The following PEX7 variants were observed in gnomAD, a reference collection of about 807,000 sequenced individuals.
PEX7 encodes the protein PTS2 receptor.
In PEX7, 34 loss-of-function variants were observed where a neutral mutation model predicts 47.5. That is an observed-to-expected ratio of 0.72 (90% CI 0.54 to 0.95). PEX7 has a LOEUF of 0.95. Among genes scored for constraint, PEX7 ranks in the 40% least tolerant of loss-of-function variants. The pLI is 0.00. For synonymous variants in PEX7, 141 were observed against 148.8 expected, an observed-to-expected ratio of 0.95 and a Z score of 0.38; for missense variants, 394 against 400.3, an observed-to-expected ratio of 0.98 and a Z score of 0.13.
chr6:136,837,028 A>G (rs1248221071), intron 3 of PEX7, among the ~76,000 whole-genome samples: 2 of 152,064 alleles, frequency 1.3e-5, no homozygotes, highest in Non-Finnish European at 2.9e-5. Context: ...TTTGAAACTC[A>G]TATGTACCTT....
At position 136,872,181 on chromosome 6, in the gene PEX7, T is replaced by A; in HGVS notation, c.748-17T>A. On this transcript the variant is annotated splice_polypyrimidine_tract_variant and intron_variant, in intron 7 of 9. Transcript: ENST00000318471. ...CTGACTTCAAAAAGGGTTTTTTTTTTCTTTTTTTTTTTGTAGTTTTCACCA... is the reference window on the plus strand; with the variant it reads ...CTGACTTCAAAAAGGGTTTTTTTTTACTTTTTTTTTTTGTAGTTTTCACCA... The A allele has an allele frequency of 6.3e-7, 1 of 1,594,444 alleles. No homozygotes were observed. The highest frequency in any genetic ancestry group is 8.5e-7 in the Non-Finnish European group (1 of 1,169,924).
chr6:136,885,256 C>A (rs1293137481), intron 8 of PEX7, among the ~76,000 whole-genome samples: 1 of 152,106 alleles, frequency 6.6e-6, no homozygotes, highest in African/African-American at 2.4e-5. Context: ...GCTAAAATGA[C>A]CAGTTTAGCC....
In PEX7 at chr6:136,860,078, G is replaced by C. The variant is rs371978969; in HGVS notation, c.527-6549G>C. Among the ~76,000 whole-genome samples the C allele has an allele frequency of 2.0e-4, 30 of 151,986 alleles. 1 individual carries two copies. The highest frequency in any genetic ancestry group is 9.2e-4 in the Admixed American group (14 of 15,274). On this transcript the variant is annotated intron_variant, in intron 5 of 9. Transcript: ENST00000318471. ...AGTGGCAGGTCTGCAATTGATAAGAGAAGCTGGCAATTCAGGTGAGTCTAT... is the reference window on the plus strand; with the variant it reads ...AGTGGCAGGTCTGCAATTGATAAGACAAGCTGGCAATTCAGGTGAGTCTAT...
chr6:136,888,498 A>G (rs1260663266), intron 8 of PEX7, among the ~76,000 whole-genome samples: 2 of 152,184 alleles, frequency 1.3e-5, no homozygotes, highest in Non-Finnish European at 1.5e-5. Context: ...CACCTCACCA[A>G]TAACTTTAGA....
intron 8 of PEX7, among the ~76,000 whole-genome samples, chr6:136,887,059 CA>C (rs796560215): frequency 2.0e-5 from 3 of 151,420 alleles, no homozygotes; most frequent in Non-Finnish European, 2.9e-5. Flanking sequence ...AAAAAACAAA[CA>C]AAAAAAACCT....
At chr6:136,851,947 A>C (rs1774764843) in intron 5 of PEX7, among the ~76,000 whole-genome samples, 1 of 79,602 alleles carries the variant, frequency 1.3e-5, no homozygotes, top group Admixed American at 1.4e-4. Context: ...CCCATGTTGT[A>C]GGTTGCCTGT....
chr6:136,830,187 A>G (rs1178759107), intron 3 of PEX7: 3 of 610,898 alleles, frequency 4.9e-6, no homozygotes, highest in Non-Finnish European at 8.7e-6. Flanking sequence ...CCTAAACTTG[A>G]GTGTTTTTAT....
intron 8 of PEX7, among the ~76,000 whole-genome samples, chr6:136,879,610 G>C (rs1019606402): frequency 6.6e-6 from 1 of 151,826 alleles, no homozygotes; most frequent in Non-Finnish European, 1.5e-5. Context: ...AGTTTTTCTT[G>C]CTGCAGGCTC....
chr6:136,823,717 C>T (rs571792598), intron 1 of PEX7, among the ~76,000 whole-genome samples: 172 of 152,264 alleles, frequency 1.1e-3, no homozygotes, highest in Non-Finnish European at 1.6e-3. Context: ...ATGGAGAAAC[C>T]CCATCTCTAC....
At chr6:136,827,633 AG>A (rs1774219825) in intron 3 of PEX7, among the ~76,000 whole-genome samples, 1 of 151,496 alleles carries the variant, frequency 6.6e-6, no homozygotes, top group Non-Finnish European at 1.5e-5. Context: ...AATGGGCTCA[AG>A]CCATTCTCAT....
chr6:136,823,290 GAC>G (rs1774119181), intron 1 of PEX7: 1 of 985,446 alleles, frequency 1.0e-6, no homozygotes, highest in African/African-American at 1.7e-5. Context: ...CTCCTGAATG[GAC>G]GCCTGGAGTC....
At chr6:136,909,489 C>G (rs895708846) in intron 9 of PEX7, among the ~76,000 whole-genome samples, 4 of 152,138 alleles carry the variant, frequency 2.6e-5, no homozygotes, top group African/African-American at 9.7e-5. Context: ...AATAAGAGGT[C>G]CCCTGGGGAC....
intron 9 of PEX7, 54 bp from the exon 10 acceptor site, chr6:136,913,404 T>G (rs1321684457): frequency 1.5e-6 from 2 of 1,293,244 alleles, no homozygotes; most frequent in African/African-American, 2.9e-5. Context: ...GCTGTCAATT[T>G]TGAATTTTTG....
In PEX7 at chr6:136,866,581, A is replaced by G. The variant is rs372447542; in HGVS notation, c.527-46A>G. The G allele has an allele frequency of 3.0e-4, 445 of 1,481,728 alleles. 1 individual carries two copies. The highest frequency in any genetic ancestry group is 8.4e-4 in the Admixed American group (50 of 59,770). The allele number at this position is 1,481,728 out of a possible 1,614,324, so 91.8% of individuals were successfully genotyped here. A position where few individuals can be genotyped will look rare whatever the true frequency, so the allele number is the denominator to read the frequency against. ...TTGTGAACACATTATGTCACTGCACATTCAAGTGGTGTGATGGGAAATGAT... is the reference window on the plus strand; with the variant it reads ...TTGTGAACACATTATGTCACTGCACGTTCAAGTGGTGTGATGGGAAATGAT... On this transcript the variant is annotated intron_variant, in intron 5 of 9. Transcript: ENST00000318471.
chr6:136,910,482 T>G (rs1194437434), intron 9 of PEX7, among the ~76,000 whole-genome samples: 1 of 152,162 alleles, frequency 6.6e-6, no homozygotes, highest in Non-Finnish European at 1.5e-5. Context: ...CGAAGAGGCA[T>G]AAGCAGCATG....
intron 8 of PEX7, among the ~76,000 whole-genome samples, chr6:136,876,496 C>T (rs1420519291): frequency 1.3e-5 from 2 of 152,126 alleles, no homozygotes; most frequent in Non-Finnish European, 2.9e-5. Flanking sequence ...TCTAGTCCCC[C>T]ACCCCCCAAA....
At position 136,823,435 on chromosome 6, in the gene PEX7, G is replaced by A. The variant is rs534754381; in HGVS notation, c.130+640G>A. The A allele has an allele frequency of 3.5e-6, 3 of 854,338 alleles. No homozygotes were observed. The African/African-American group carries it at 5.5e-5, about 16-fold the overall frequency. The allele number at this position is 854,338 out of a possible 1,614,324, so 52.9% of individuals were successfully genotyped here. ...CCCGTCGCGCGCATTGGCTCAGCCTGTGGTTAAAGCTGCTCAGGAGGCTGA... is the reference window on the plus strand; with the variant it reads ...CCCGTCGCGCGCATTGGCTCAGCCTATGGTTAAAGCTGCTCAGGAGGCTGA... On this transcript the variant is annotated intron_variant, in intron 1 of 9. Transcript: ENST00000318471.
intron 8 of PEX7, among the ~76,000 whole-genome samples, chr6:136,892,756 A>G (rs1256802088): frequency 6.6e-6 from 1 of 152,236 alleles, no homozygotes; most frequent in South Asian, 2.1e-4. Context: ...TGGAAATATT[A>G]TGAGTACTAT....
At chr6:136,826,512 G>A (rs1345428582) in intron 3 of PEX7, 43 bp downstream of exon 3, 1 of 1,611,830 alleles carries the variant, frequency 6.2e-7, no homozygotes. Context: ...TTCTTTCTTC[G>A]ACTTTGGTTG....
Sources: allele counts gnomAD v4.1 joint callset (sites outside exome capture counted in the v4.1 genomes callset), GRCh38; gene constraint gnomAD v4.1.1; transcripts MANE v1.5; gene names NCBI Gene and HGNC (gene_info 2026-07-23, HGNC 2026-07-21).